PIWIL1: variants seen among roughly 807,000 people sequenced by gnomAD.
The protein encoded by PIWIL1 is piwi-like protein 1.
Under a neutral mutation model 114.4 loss-of-function variants are expected in PIWIL1, and 73 were observed. The ratio of observed to expected loss-of-function variants is 0.64; its 90% CI spans 0.53 to 0.78. The LOEUF (loss-of-function observed/expected upper bound fraction) is 0.78. PIWIL1 is among the 30% of genes least tolerant of loss of function. PIWIL1 has a pLI of 0.00. For synonymous variants in PIWIL1, 375 were observed against 369.0 expected, an observed-to-expected ratio of 1.02 and a Z score of -0.19; for missense variants, 723 against 1,063.1, an observed-to-expected ratio of 0.68 and a Z score of 4.45.
intron 1 of PIWIL1, among the ~76,000 whole-genome samples, chr12:130,340,465 C>A (rs1369756560): frequency 6.6e-6 from 1 of 151,940 alleles, no homozygotes; most frequent in Non-Finnish European, 1.5e-5. Context: ...AGACCCTTGG[C>A]ACGCCGACTT....
At chr12:130,423,656 CAAAAAAA>C in the PIWIL1 span, among the ~76,000 whole-genome samples, 1 of 50,134 alleles carries the variant, frequency 2.0e-5, no homozygotes, top group Admixed American at 3.2e-4. Flanking sequence ...AAACAATATG[CAAAAAAA>C]AAAAAAAAAA....
the PIWIL1 span, chr12:130,407,841 A>C: frequency 6.2e-7 from 1 of 1,608,886 alleles, no homozygotes; most frequent in Non-Finnish European, 8.5e-7. Flanking sequence ...TGTTCAGATC[A>C]CAAGGGGGAA....
At chr12:130,407,953 G>C in the PIWIL1 span, 12 of 791,072 alleles carry the variant, frequency 1.5e-5, no homozygotes, top group Non-Finnish European at 2.4e-5. Flanking sequence ...ACAGGGCCAC[G>C]TGCTCCTGGG....
chr12:130,410,116 TTTTAA>T, the PIWIL1 span, among the ~76,000 whole-genome samples: 2 of 152,200 alleles, frequency 1.3e-5, no homozygotes, highest in African/African-American at 2.4e-5. Context: ...CTCAGGGTGG[TTTTAA>T]TTTGTGTTTC....
At chr12:130,339,436 G>T (rs1178707931) in intron 1 of PIWIL1, 1 of 152,274 alleles carries the variant, frequency 6.6e-6, no homozygotes, top group Non-Finnish European at 1.5e-5. Context: ...CGGTTTTTAG[G>T]CGTGTGGCGC....
downstream of PIWIL1, among the ~76,000 whole-genome samples, chr12:130,375,834 C>A (rs1286273122): frequency 2.0e-5 from 3 of 152,112 alleles, no homozygotes; most frequent in Non-Finnish European, 4.4e-5. Context: ...CTGTTCAATT[C>A]CTGGCCATCC....
rs2136125708 is a variant in PIWIL1, at chr12:130,342,765, A to G, written c.78+96A>G. On this transcript the variant is annotated intron_variant, in intron 2 of 20. Transcript: ENST00000245255. The stretch of plus-strand genomic sequence containing the variant: ...AACTAAAAACTGTGCTGGGAAGGAT[A>G]TAGGAAGTGAGCAAGGGAGATCATG... 4 of 975,364 alleles carry G rather than the reference A, an allele frequency of 4.1e-6. No individual in the cohort carries two copies. In the East Asian group the frequency reaches 1.0e-4, roughly 25 times the overall value. 60.4% of individuals were successfully genotyped at this position (975,364 alleles called of 1,614,324 possible). A position where few individuals can be genotyped will look rare whatever the true frequency, so the allele number is the denominator to read the frequency against.
chr12:130,370,618 G>T (rs770028899), intron 19 of PIWIL1, among the ~76,000 whole-genome samples: 1 of 152,126 alleles, frequency 6.6e-6, no homozygotes, highest in Non-Finnish European at 1.5e-5. Flanking sequence ...CTTCCATTTG[G>T]TCCCATACTA....
At chr12:130,388,144 C>T in the PIWIL1 span, among the ~76,000 whole-genome samples, 1 of 152,132 alleles carries the variant, frequency 6.6e-6, no homozygotes, top group Non-Finnish European at 1.5e-5. Flanking sequence ...TTTTGAGTCT[C>T]GCTCTGTCAC....
downstream of PIWIL1, among the ~76,000 whole-genome samples, chr12:130,374,911 G>A (rs550873387): frequency 3.3e-4 from 50 of 152,086 alleles, no homozygotes; most frequent in African/African-American, 1.2e-3. Flanking sequence ...TAACAAACTC[G>A]GCTTTCTCCC....
At chr12:130,393,409 G>C in the PIWIL1 span, among the ~76,000 whole-genome samples, 99 of 76,576 alleles carry the variant, frequency 1.3e-3, no homozygotes, top group Non-Finnish European at 2.5e-3. Flanking sequence ...TCACGTGGGT[G>C]CGTCAGTTAC....
chr12:130,393,000 G>A, the PIWIL1 span, among the ~76,000 whole-genome samples: 1,080 of 6,034 alleles, frequency 0.18, 23 homozygotes, highest in Middle Eastern at 0.3. Flanking sequence ...TACCTGGTGA[G>A]TATTGAATGT....
At chr12:130,362,310 G>C (rs2073536542) in intron 16 of PIWIL1, among the ~76,000 whole-genome samples, 1 of 152,186 alleles carries the variant, frequency 6.6e-6, no homozygotes, top group Admixed American at 6.5e-5. Flanking sequence ...GCTTATAAGT[G>C]AAAACAGGTG....
At chr12:130,363,440 A>C (rs1214103442) in intron 18 of PIWIL1, among the ~76,000 whole-genome samples, 1 of 152,104 alleles carries the variant, frequency 6.6e-6, no homozygotes, top group African/African-American at 2.4e-5. Context: ...GTATCTGATA[A>C]TTCTGTACAT....
At chr12:130,407,278 C>T in the PIWIL1 span, among the ~76,000 whole-genome samples, 3 of 152,324 alleles carry the variant, frequency 2.0e-5, no homozygotes, top group East Asian at 5.8e-4. Context: ...TTTCAGCCTT[C>T]AAGACACCAG....
chr12:130,349,115 G>A (rs2073148137), intron 7 of PIWIL1, 124 bp from the exon 8 acceptor site: 1 of 613,580 alleles, frequency 1.6e-6, no homozygotes. Context: ...TAGAAATAAG[G>A]AAATTGATTC....
downstream of PIWIL1, among the ~76,000 whole-genome samples, chr12:130,377,486 T>TAAGTTACACC (rs2073876746): frequency 2.0e-5 from 3 of 152,160 alleles, no homozygotes; most frequent in South Asian, 6.2e-4. Context: ...CCCTGGGAAG[T>TAAGTTACACC]AAGTTACACC....
chr12:130,343,564 A>T (rs2072985253), intron 3 of PIWIL1, among the ~76,000 whole-genome samples: 2 of 152,108 alleles, frequency 1.3e-5, no homozygotes, highest in South Asian at 4.2e-4. Context: ...TGTTAATTAG[A>T]CATTGTTTGG....
Position 130,346,366 on chromosome 12 carries a change from C to T in PIWIL1, c.317-4C>T, listed in dbSNP as rs750240079. The T allele has an allele frequency of 1.2e-6, 2 of 1,604,184 alleles. No individual in the cohort carries two copies. The highest frequency in any genetic ancestry group is 1.7e-6 in the Non-Finnish European group (2 of 1,173,760). ...TGTTAATTGACTATAACTTCCTTTT[C>T]CAGGTTCTTCAGGCATTATAGTAAG... On this transcript the variant is annotated splice_polypyrimidine_tract_variant and splice_region_variant and intron_variant, in intron 4 of 20. Transcript: ENST00000245255.
Sources: gnomAD v4.1 joint callset for allele counts (sites outside exome capture counted in the v4.1 genomes callset) on GRCh38, gnomAD v4.1.1 for gene constraint, MANE v1.5 for transcripts, NCBI Gene and HGNC (gene_info 2026-07-23, HGNC 2026-07-21) for gene names.